The following ARID4A variants were observed in gnomAD, a reference collection of about 807,000 sequenced individuals.
ARID4A encodes AT-rich interaction domain 4A.
Under a neutral mutation model 148.6 loss-of-function variants are expected in ARID4A, and 39 were observed. The observed-to-expected ratio is 0.26, with a 90% CI of 0.20 to 0.34. The LOEUF is 0.34. Ranked by LOEUF, ARID4A falls within the 10% of genes least tolerant of loss-of-function variation. The pLI is 1.00. For synonymous variants in ARID4A, 475 were observed against 481.2 expected (o/e 0.99, Z 0.17); for missense variants, 1,265 against 1,449.1 (o/e 0.87, Z 2.06).
intron 8 of ARID4A, among the ~76,000 whole-genome samples, chr14:58,324,137 C>G (rs1383180686): frequency 6.6e-6 from 1 of 152,194 alleles, no homozygotes; most frequent in African/African-American, 2.4e-5. Flanking sequence ...ATCTCCTGAC[C>G]TCATGGTCCG....
At chr14:58,348,862 T>C (rs965591448) in intron 15 of ARID4A, among the ~76,000 whole-genome samples, 2 of 152,146 alleles carry the variant, frequency 1.3e-5, no homozygotes, top group Non-Finnish European at 2.9e-5. Context: ...TAAGTACATA[T>C]AACATAAAAT....
chr14:58,322,980 A>AATATAT (rs1220546707), intron 7 of ARID4A, among the ~76,000 whole-genome samples: 10 of 114,282 alleles, frequency 8.8e-5, no homozygotes, highest in East Asian at 4.8e-4. Context: ...AAAAAAAAAA[A>AATATAT]ATATATATAT....
intron 11 of ARID4A, among the ~76,000 whole-genome samples, chr14:58,338,272 T>C (rs1594921865): frequency 6.6e-6 from 1 of 152,308 alleles, no homozygotes; most frequent in South Asian, 2.1e-4. Flanking sequence ...GCATTTACCT[T>C]AGTTTTAGTA....
rs1200271736 is a variant in ARID4A, at chr14:58,306,125, GTAATT to G, written c.274+17_274+21del. 6.3e-7 allele frequency: 1 copy of G among 1,580,612 alleles called. No individual in the cohort carries two copies. The highest frequency in any genetic ancestry group is 1.3e-5 in the African/African-American group (1 of 74,256). On this transcript the variant is annotated intron_variant, in intron 5 of 23. Coordinates refer to ENST00000355431, the MANE Select transcript of ARID4A (RefSeq NM_002892.4). ...TGGTATACCGTGGGTAAGTAATTAA[GTAATT>G]TAACACAGATTTGATTTGGAGGTTG...
intron 23 of ARID4A, among the ~76,000 whole-genome samples, chr14:58,368,560 A>G (rs2035458413): frequency 6.6e-6 from 1 of 152,210 alleles, no homozygotes; most frequent in South Asian, 2.1e-4. Context: ...AGGAACTGGA[A>G]GAAAAAAAAC....
rs143684738 is a variant in ARID4A at position 58,300,501 on chromosome 14, C to A, written c.6+641C>A. On this transcript the variant is annotated intron_variant, in intron 2 of 23. Transcript: ENST00000355431. ...TGTTTCAGGTCAGATTTTTGTTTGC[C>A]AAAAGCATTCCTATTCAATTTGTAT... is the stretch of plus-strand genomic sequence containing the variant. Among the ~76,000 whole-genome samples, 456 of 152,124 alleles carry A rather than the reference C, an allele frequency of 3.0e-3. 3 individuals carry two copies. The highest frequency in any genetic ancestry group is 0.011 in the African/African-American group (436 of 41,488).
At chr14:58,328,388 C>T (rs1160509333) in intron 9 of ARID4A, 72 bp downstream of exon 9, 2 of 988,032 alleles carry the variant, frequency 2.0e-6, no homozygotes, top group East Asian at 4.9e-5. Flanking sequence ...TAGACACCTC[C>T]CCCACCAAAA....
At chr14:58,351,417 T>C in intron 16 of ARID4A, 94 bp downstream of exon 16, 1 of 1,471,808 alleles carries the variant, frequency 6.8e-7, no homozygotes, top group South Asian at 1.4e-5. Flanking sequence ...GGGAATGTTT[T>C]CTTATTGGGA....
In ARID4A at chr14:58,363,077, A is replaced by G. The variant is rs967525589; in HGVS notation, c.2081-1093A>G. ...GAAGGCATACCTGTGTGCAGTGTCC[A>G]GTCTATACAACTACATACCAGCCTT... is the stretch of plus-strand genomic sequence containing the variant. On this transcript the variant is annotated intron_variant, in intron 19 of 23. Coordinates refer to ENST00000355431, the MANE Select transcript of ARID4A (RefSeq NM_002892.4). Among the ~76,000 whole-genome samples, 3 of 152,236 alleles carry G rather than the reference A, an allele frequency of 2.0e-5. No homozygotes were observed. The South Asian group carries it at 6.2e-4, about 32-fold the overall frequency.
intron 19 of ARID4A, among the ~76,000 whole-genome samples, chr14:58,363,880 G>A (rs1158362974): frequency 6.6e-6 from 1 of 151,960 alleles, no homozygotes; most frequent in African/African-American, 2.4e-5. Context: ...TCTTTTTTAA[G>A]GACTATTGTA....
intron 7 of ARID4A, among the ~76,000 whole-genome samples, chr14:58,321,743 G>C (rs2140171521): frequency 6.6e-6 from 1 of 151,858 alleles, no homozygotes; most frequent in African/African-American, 2.4e-5. Flanking sequence ...GACCCTAAAT[G>C]GAAATCCCAA....
intron 1 of ARID4A, chr14:58,299,544 G>T: frequency 1.0e-5 from 5 of 500,790 alleles, no homozygotes; most frequent in South Asian, 8.8e-5. Context: ...AGCATTCCGG[G>T]TCAAAGTGGC....
At chr14:58,299,562 G>T in intron 1 of ARID4A, 1 of 533,784 alleles carries the variant, frequency 1.9e-6, no homozygotes, top group East Asian at 3.1e-5. Context: ...GGCCAGCGAG[G>T]CGGGGGCGCG....
chr14:58,356,914 A>G (rs1339735639), intron 17 of ARID4A, among the ~76,000 whole-genome samples: 5 of 152,124 alleles, frequency 3.3e-5, no homozygotes, highest in Admixed American at 2.0e-4. Flanking sequence ...GTTGGCCAGG[A>G]TGGTCTCGAT....
chr14:58,347,614 T>A, intron 14 of ARID4A, 33 bp from the exon 15 acceptor site: 1 of 1,460,086 alleles, frequency 6.8e-7, no homozygotes, highest in Non-Finnish European at 9.3e-7. Context: ...GCAAAGACTG[T>A]AAGATTTCTT....
chr14:58,354,845 A>G (rs2034803432), intron 17 of ARID4A, among the ~76,000 whole-genome samples: 1 of 152,232 alleles, frequency 6.6e-6, no homozygotes, highest in Non-Finnish European at 1.5e-5. Flanking sequence ...GCAATCACCC[A>G]CATTAGTCAA....
intron 11 of ARID4A, among the ~76,000 whole-genome samples, chr14:58,333,107 T>C (rs559047465): frequency 2.0e-4 from 31 of 152,220 alleles, no homozygotes; most frequent in Middle Eastern, 3.4e-3. Flanking sequence ...GTACAAGATA[T>C]AGATCTCATG....
At chr14:58,298,998 TGGG>T (rs1192110465) in intron 1 of ARID4A, among the ~76,000 whole-genome samples, 1 of 152,206 alleles carries the variant, frequency 6.6e-6, no homozygotes, top group Middle Eastern at 3.4e-3. Context: ...GCGGGCTGCT[TGGG>T]GGAGCCGTCC....
In ARID4A at chr14:58,366,020, A is replaced by G; in HGVS notation, c.3317-4A>G. On this transcript the variant is annotated splice_polypyrimidine_tract_variant and splice_region_variant and intron_variant, in intron 21 of 23. Transcript: ENST00000355431. ...TCTGAGTCAATCTTTTTTATTATTT[A>G]TAGGACAAAGCAGTGATAGTGAAGA... 1 of 1,595,962 alleles carries G rather than the reference A, an allele frequency of 6.3e-7. No homozygotes were observed. The highest frequency in any genetic ancestry group is 1.1e-5 in the South Asian group (1 of 89,028).
Sources: allele counts gnomAD v4.1 joint callset (sites outside exome capture counted in the v4.1 genomes callset), GRCh38; gene constraint gnomAD v4.1.1; transcripts MANE v1.5; gene names NCBI Gene and HGNC (gene_info 2026-07-23, HGNC 2026-07-21).